ARHGAP15: variants seen among roughly 807,000 people sequenced by gnomAD.
ARHGAP15 encodes Rho GTPase activating protein 15.
Under a neutral mutation model 63.7 loss-of-function variants are expected in ARHGAP15, and 51 were observed. The observed-to-expected ratio is 0.80, with a 90% CI of 0.64 to 1.01. The LOEUF (loss-of-function observed/expected upper bound fraction) is 1.01, where lower values mean the gene tolerates loss of function less well. ARHGAP15 is among the 50% of genes least tolerant of loss of function. The pLI is 0.00. For synonymous variants in ARHGAP15, 191 were observed against 193.8 expected (o/e 0.99, Z 0.12); for missense variants, 560 against 564.6 (o/e 0.99, Z 0.08).
chr2:143,450,045 A>G (rs1407599591), intron 8 of ARHGAP15, among the ~76,000 whole-genome samples: 1 of 133,562 alleles, frequency 7.5e-6, no homozygotes, highest in Non-Finnish European at 1.7e-5. Context: ...AGAATAATTA[A>G]TCTTTTTTTT....
intron 6 of ARHGAP15, among the ~76,000 whole-genome samples, chr2:143,329,687 G>A (rs973160980): frequency 5.3e-5 from 8 of 152,044 alleles, no homozygotes; most frequent in African/African-American, 1.7e-4. Context: ...CAACTAGTAC[G>A]TAAAGTTATA....
intron 12 of ARHGAP15, among the ~76,000 whole-genome samples, chr2:143,680,281 A>G (rs1683041594): frequency 6.6e-6 from 1 of 152,226 alleles, no homozygotes; most frequent in African/African-American, 2.4e-5. Flanking sequence ...AGGGCAAAAC[A>G]TGGGGTAGTT....
At chr2:143,685,970 G>A (rs914033223) in intron 12 of ARHGAP15, among the ~76,000 whole-genome samples, 3 of 151,978 alleles carry the variant, frequency 2.0e-5, no homozygotes, top group African/African-American at 4.8e-5. Flanking sequence ...ATGTTAGCTG[G>A]AAAAGAATAA....
chr2:143,584,896 C>G (rs1419366853), intron 11 of ARHGAP15, among the ~76,000 whole-genome samples: 1 of 152,116 alleles, frequency 6.6e-6, no homozygotes, highest in East Asian at 1.9e-4. Flanking sequence ...GGTAAAATTT[C>G]TAATTATAAA....
At chr2:143,370,485 ACT>A (rs1686501003) in intron 6 of ARHGAP15, among the ~76,000 whole-genome samples, 1 of 150,578 alleles carries the variant, frequency 6.6e-6, no homozygotes, top group Admixed American at 6.7e-5. Flanking sequence ...GTACCCTAAA[ACT>A]TAAAGTATAA....
chr2:143,673,137 A>T (rs931622816), intron 12 of ARHGAP15, among the ~76,000 whole-genome samples: 2 of 152,080 alleles, frequency 1.3e-5, no homozygotes, highest in African/African-American at 4.8e-5. Context: ...GTAATAAATT[A>T]AAAAAAAGAA....
At chr2:143,158,209 C>T (rs1447072667) in intron 2 of ARHGAP15, among the ~76,000 whole-genome samples, 2 of 151,804 alleles carry the variant, frequency 1.3e-5, no homozygotes, top group Non-Finnish European at 2.9e-5. Context: ...CTCACAAATT[C>T]ATAAATTCCT....
chr2:143,379,342 CAT>C (rs200625805), intron 6 of ARHGAP15, among the ~76,000 whole-genome samples: 32 of 148,466 alleles, frequency 2.2e-4, no homozygotes, highest in South Asian at 6.5e-4. Context: ...GTTTTTTAGG[CAT>C]ATATATATAT....
At chr2:143,395,720 C>G (rs1027897456) in intron 6 of ARHGAP15, among the ~76,000 whole-genome samples, 1 of 151,836 alleles carries the variant, frequency 6.6e-6, no homozygotes, top group African/African-American at 2.4e-5. Flanking sequence ...ATTCAGTGGC[C>G]CTGTGGCAGG....
chr2:143,758,460 TA>T (rs1686654555), intron 13 of ARHGAP15, among the ~76,000 whole-genome samples: 1 of 152,032 alleles, frequency 6.6e-6, no homozygotes, highest in Admixed American at 6.6e-5. Context: ...AAAGACCATG[TA>T]TTAGTTTTGC....
chr2:143,194,693 T>C (rs375090809), intron 2 of ARHGAP15, among the ~76,000 whole-genome samples: 1 of 99,758 alleles, frequency 1.0e-5, no homozygotes, highest in East Asian at 3.4e-4. Context: ...GAATGACCCC[T>C]CTCTGTCTGA....
chr2:143,260,310 T>C (rs1194450411), intron 6 of ARHGAP15, among the ~76,000 whole-genome samples: 2 of 152,144 alleles, frequency 1.3e-5, no homozygotes. Flanking sequence ...TTAGGATATC[T>C]CTGTAATTTT....
chr2:143,762,622 C>T (rs1686800140), intron 13 of ARHGAP15, among the ~76,000 whole-genome samples: 1 of 152,122 alleles, frequency 6.6e-6, no homozygotes, highest in Non-Finnish European at 1.5e-5. Context: ...CATATACACT[C>T]TTCAGTGTTA....
chr2:143,205,370 A>G lies in ARHGAP15; in HGVS notation c.234+3168A>G, dbSNP rs565195786. On this transcript the variant is annotated intron_variant, in intron 3 of 13. Transcript: ENST00000295095. ...TTTACTCTATAGACCTTACCACCAG[A>G]TGGCATACTACAGCATTTATTTTTG... Among the ~76,000 whole-genome samples, 7 of 152,044 alleles carry G rather than the reference A, an allele frequency of 4.6e-5. No homozygotes were observed. The East Asian group carries it at 5.8e-4, about 13-fold the overall frequency.
intron 11 of ARHGAP15, among the ~76,000 whole-genome samples, chr2:143,622,328 A>G (rs545076148): frequency 9.9e-5 from 15 of 152,178 alleles, no homozygotes; most frequent in African/African-American, 3.4e-4. Flanking sequence ...AGTAAAACCA[A>G]TTTTATTATA....
intron 6 of ARHGAP15, among the ~76,000 whole-genome samples, chr2:143,253,289 AAC>A (rs1244392480): frequency 1.3e-5 from 2 of 148,380 alleles, no homozygotes; most frequent in Non-Finnish European, 3.0e-5. Context: ...TGAATAGGAA[AAC>A]AAACAAAAAA....
At chr2:143,572,888 T>G (rs1189468981) in intron 11 of ARHGAP15, among the ~76,000 whole-genome samples, 1 of 152,098 alleles carries the variant, frequency 6.6e-6, no homozygotes, top group East Asian at 1.9e-4. Context: ...TTGAGAACCA[T>G]GCAAAGCACT....
At chr2:143,330,247 G>A (rs1290087788) in intron 6 of ARHGAP15, among the ~76,000 whole-genome samples, 2 of 151,090 alleles carry the variant, frequency 1.3e-5, no homozygotes, top group Admixed American at 1.3e-4. Context: ...GTGAAAATTG[G>A]CCTAAGGGAT....
chr2:143,398,674 C>T (rs144250165), intron 6 of ARHGAP15, among the ~76,000 whole-genome samples: 2 of 152,150 alleles, frequency 1.3e-5, no homozygotes, highest in East Asian at 3.9e-4. Flanking sequence ...CTTCCCCTTG[C>T]AATGTTTAAT....
Sources: allele counts gnomAD v4.1 joint callset (sites outside exome capture counted in the v4.1 genomes callset), GRCh38; gene constraint gnomAD v4.1.1; transcripts MANE v1.5; gene names NCBI Gene and HGNC (gene_info 2026-07-23, HGNC 2026-07-21).